Variants in NEK11 observed in about 807,000 individuals in gnomAD.
The protein encoded by NEK11 is NIMA related kinase 11, also known as serine/threonine-protein kinase Nek11.
Under a neutral mutation model 80.7 loss-of-function variants are expected in NEK11, and 72 were observed. The ratio of observed to expected loss-of-function variants is 0.89; its 90% CI spans 0.74 to 1.08. The LOEUF (loss-of-function observed/expected upper bound fraction) is 1.08, where lower values mean the gene tolerates loss of function less well. Among genes scored for constraint, NEK11 ranks in the 50% least tolerant of loss-of-function variants. The pLI, the probability that NEK11 is intolerant of heterozygous loss-of-function variation, is 0.00. For synonymous variants in NEK11, 251 were observed against 260.7 expected (o/e 0.96, Z 0.36); for missense variants, 764 against 763.6 (o/e 1.00, Z -0.01).
chr3:131,332,180 C>T (rs550555914), intron 17 of NEK11, among the ~76,000 whole-genome samples: 35 of 152,310 alleles, frequency 2.3e-4, no homozygotes, highest in African/African-American at 7.5e-4. Flanking sequence ...GGTCCCAGAC[C>T]CCTGACCCCT....
At chr3:131,266,968 T>G (rs980262429) in intron 16 of NEK11, among the ~76,000 whole-genome samples, 1 of 152,244 alleles carries the variant, frequency 6.6e-6, no homozygotes. Flanking sequence ...TCTTTTAATC[T>G]TTGTTGGTTT....
intron 16 of NEK11, among the ~76,000 whole-genome samples, chr3:131,269,521 G>T (rs1379218265): frequency 1.3e-5 from 2 of 152,062 alleles, no homozygotes; most frequent in African/African-American, 2.4e-5. Context: ...GCTAGGCGAC[G>T]CCCCACCCTG....
At chr3:131,258,984 T>A (rs1427841) in intron 16 of NEK11, among the ~76,000 whole-genome samples, 3 of 152,078 alleles carry the variant, frequency 2.0e-5, no homozygotes, top group African/African-American at 7.2e-5. Flanking sequence ...AGCAATAATG[T>A]ACCTTTATAT....
intron 17 of NEK11, among the ~76,000 whole-genome samples, chr3:131,341,067 T>G (rs888022963): frequency 2.0e-5 from 3 of 152,228 alleles, no homozygotes; most frequent in Non-Finnish European, 4.4e-5. Flanking sequence ...CAGAGAATAC[T>G]GCCCTCCCTT....
chr3:131,246,279 A>T lies in NEK11; in HGVS notation c.1621+2783A>T, dbSNP rs1027437529. Among the ~76,000 whole-genome samples the T allele has an allele frequency of 2.0e-5, 3 of 152,066 alleles. No individual in the cohort carries two copies. In the East Asian group the frequency reaches 5.8e-4, roughly 29 times the overall value. On this transcript the variant is annotated intron_variant, in intron 16 of 17. Coordinates refer to ENST00000383366, the MANE Select transcript of NEK11 (RefSeq NM_024800.5). ...CCTCACCCTTTCCCCACAAGTCCCT[A>T]AAGTCCAAATGTATCATTCTTATGC...
chr3:131,285,619 A>G (rs182765529), intron 17 of NEK11, among the ~76,000 whole-genome samples: 245 of 152,314 alleles, frequency 1.6e-3, no homozygotes, highest in Non-Finnish European at 3.1e-3. Flanking sequence ...GGCATCTCTC[A>G]CTTTCCCACG....
At position 131,200,202 on chromosome 3, in the gene NEK11, T is replaced by C. The variant is rs138449520; in HGVS notation, c.1400-28326T>C. Among the ~76,000 whole-genome samples, 1,240 of 152,264 alleles carry C rather than the reference T, an allele frequency of 8.1e-3. 22 individuals carry two copies. Among genetic ancestry groups the C allele is most frequent in the African/African-American group, 0.028 (1,172 of 41,546 alleles). On this transcript the variant is annotated intron_variant, in intron 14 of 17. Transcript: ENST00000383366. ...AGAAACGCATAAGTAATTGACATCT[T>C]CTGTGTACTGAAAGAAAGTAACTTC...
At chr3:131,068,956 C>T (rs901687693) in intron 3 of NEK11, among the ~76,000 whole-genome samples, 2 of 152,094 alleles carry the variant, frequency 1.3e-5, no homozygotes, top group Non-Finnish European at 2.9e-5. Context: ...CTGGCTTTAT[C>T]CTATAGTTAA....
intron 7 of NEK11, among the ~76,000 whole-genome samples, chr3:131,142,427 G>A (rs1053769766): frequency 6.6e-6 from 1 of 150,596 alleles, no homozygotes; most frequent in Non-Finnish European, 1.5e-5. Flanking sequence ...TTGATGTTCT[G>A]TCCATCATAA....
At chr3:131,089,975 A>C (rs1303981753) in intron 4 of NEK11, among the ~76,000 whole-genome samples, 1 of 152,170 alleles carries the variant, frequency 6.6e-6, no homozygotes, top group East Asian at 1.9e-4. Flanking sequence ...AGGACAGAAT[A>C]ATTTTTGAAG....
chr3:131,202,637 G>A (rs2094284642), intron 14 of NEK11, among the ~76,000 whole-genome samples: 1 of 152,132 alleles, frequency 6.6e-6, no homozygotes. Flanking sequence ...AGAGTGAACA[G>A]GCAACCTACA....
intron 17 of NEK11, among the ~76,000 whole-genome samples, chr3:131,313,271 G>A (rs1477894023): frequency 2.0e-5 from 3 of 152,134 alleles, no homozygotes; most frequent in Non-Finnish European, 4.4e-5. Flanking sequence ...AAATGGTGCT[G>A]CAGTGAATAT....
chr3:131,135,490 T>G (rs2085390706), intron 7 of NEK11, among the ~76,000 whole-genome samples: 1 of 152,170 alleles, frequency 6.6e-6, no homozygotes, highest in Admixed American at 6.5e-5. Context: ...GAACATCTAC[T>G]ATTTGCCCAA....
intron 3 of NEK11, among the ~76,000 whole-genome samples, chr3:131,068,121 C>G (rs1001883400): frequency 2.6e-5 from 4 of 152,194 alleles, no homozygotes; most frequent in African/African-American, 9.6e-5. Context: ...CAGTCCCTGT[C>G]TGTTGGTCTG....
chr3:131,322,397 C>A (rs2096906594), intron 17 of NEK11, among the ~76,000 whole-genome samples: 1 of 152,070 alleles, frequency 6.6e-6, no homozygotes, highest in Non-Finnish European at 1.5e-5. Flanking sequence ...ACACAATATA[C>A]AGTATACCCA....
intron 14 of NEK11, among the ~76,000 whole-genome samples, chr3:131,214,125 A>G (rs1441080775): frequency 6.6e-6 from 1 of 152,200 alleles, no homozygotes; most frequent in Non-Finnish European, 1.5e-5. Flanking sequence ...TGAGAAATAA[A>G]TTTCTGTTGT....
chr3:131,080,674 A>G (rs2075120610), intron 4 of NEK11, 86 bp downstream of exon 4: 2 of 1,121,860 alleles, frequency 1.8e-6, no homozygotes, highest in South Asian at 1.7e-5. Flanking sequence ...TAAAAGTCCA[A>G]TTATCACACC....
intron 16 of NEK11, among the ~76,000 whole-genome samples, chr3:131,253,549 C>T (rs1242308802): frequency 1.3e-5 from 2 of 152,138 alleles, no homozygotes; most frequent in Non-Finnish European, 2.9e-5. Flanking sequence ...TCCTCTTCTT[C>T]CTTCCCTACA....
chr3:131,101,511 G>A (rs1228672735), intron 4 of NEK11, among the ~76,000 whole-genome samples: 1 of 152,158 alleles, frequency 6.6e-6, no homozygotes. Flanking sequence ...GGAGCAAGTT[G>A]TTTAATTTCC....
Sources: gnomAD v4.1 joint callset for allele counts (sites outside exome capture counted in the v4.1 genomes callset) on GRCh38, gnomAD v4.1.1 for gene constraint, MANE v1.5 for transcripts, NCBI Gene and HGNC (gene_info 2026-07-23, HGNC 2026-07-21) for gene names.